Variants in PRDM1 observed in about 807,000 individuals in gnomAD.
PRDM1 encodes the protein PR/SET domain 1, also known as PR domain zinc finger protein 1.
PRDM1 carries 13 observed loss-of-function variants against 62.8 expected under a neutral mutation model. The observed-to-expected ratio is 0.21, with a 90% CI of 0.13 to 0.33. PRDM1 has a LOEUF of 0.33. PRDM1 is among the 10% of genes least tolerant of loss of function. PRDM1 has a pLI of 1.00. For synonymous variants in PRDM1, 396 were observed against 417.6 expected, an observed-to-expected ratio of 0.95 and a Z score of 0.63; for missense variants, 895 against 1,058.8, an observed-to-expected ratio of 0.85 and a Z score of 2.15.
chr6:106,074,560 G>A (rs1191996497), intron 1 of PRDM1, among the ~76,000 whole-genome samples: 1 of 152,072 alleles, frequency 6.6e-6, no homozygotes, highest in African/African-American at 2.4e-5. Flanking sequence ...ATTAAGAGTT[G>A]TTTCCATTAA....
At chr6:106,044,876 G>A (rs1395548978), upstream of PRDM1, among the ~76,000 whole-genome samples, 2 of 152,162 alleles carry the variant, frequency 1.3e-5, no homozygotes, top group Non-Finnish European at 2.9e-5. Flanking sequence ...TTAATACGTA[G>A]ACACTTTTGG....
intron 1 of PRDM1, among the ~76,000 whole-genome samples, chr6:106,011,681 C>A (rs987881567): frequency 6.6e-6 from 1 of 152,046 alleles, no homozygotes; most frequent in Admixed American, 6.6e-5. Flanking sequence ...GTCCGAAGTC[C>A]CAGGTTAGTG....
chr6:106,078,598 G>C (rs1355701029), intron 1 of PRDM1, among the ~76,000 whole-genome samples: 2 of 152,222 alleles, frequency 1.3e-5, no homozygotes, highest in Non-Finnish European at 2.9e-5. Flanking sequence ...ATGGCTGGGC[G>C]CAGTGGCTCA....
chr6:106,053,010 TA>T (rs199994175), intron 1 of PRDM1, among the ~76,000 whole-genome samples: 4 of 152,114 alleles, frequency 2.6e-5, no homozygotes, highest in East Asian at 1.9e-4. Flanking sequence ...AATTAAAACC[TA>T]AAAAAACCCT....
chr6:106,104,838 C>A lies in PRDM1; in HGVS notation c.678C>A (p.Ser226Arg). The A allele has an allele frequency of 6.2e-7, 1 of 1,612,616 alleles. No individual in the cohort carries two copies. Among genetic ancestry groups the A allele is most frequent in the Non-Finnish European group, 8.5e-7 (1 of 1,179,546 alleles). Residue 226 changes from serine (S) to arginine (R), a missense_variant, in exon 5 of 7, where the codon AGC becomes AGA. Ser to Arg is a moderately radical substitution (Grantham distance 110, BLOSUM62 -1). Transcript: ENST00000369096. Reference protein sequence around the residue: ...LTMMNLTQTQSSLKQPSTEKN... With the variant: ...LTMMNLTQTQRSLKQPSTEKN... ...TCTTTATTTCAGCACAAACACAGAG[C>A]AGTCTAAAGCAACCGAGCACTGAGA...
At chr6:106,035,447 C>A (rs545465496) in intron 1 of PRDM1, among the ~76,000 whole-genome samples, 2 of 151,888 alleles carry the variant, frequency 1.3e-5, no homozygotes, top group Non-Finnish European at 2.9e-5. Flanking sequence ...CATAGTGAGA[C>A]CCCCCTCCCC....
intron 1 of PRDM1, among the ~76,000 whole-genome samples, chr6:106,029,726 C>T (rs185038597): frequency 6.6e-6 from 1 of 152,278 alleles, no homozygotes; most frequent in Non-Finnish European, 1.5e-5. Context: ...CCTACCTCAG[C>T]CTCCCTAGTA....
chr6:105,997,224 T>G (rs1772359141), intron 1 of PRDM1, among the ~76,000 whole-genome samples: 2 of 152,218 alleles, frequency 1.3e-5, no homozygotes, highest in Non-Finnish European at 2.9e-5. Context: ...CATAGCAGTT[T>G]CATAAGGCTT....
chr6:106,017,758 G>A (rs1772640466), intron 1 of PRDM1, among the ~76,000 whole-genome samples: 1 of 152,142 alleles, frequency 6.6e-6, no homozygotes, highest in Admixed American at 6.6e-5. Flanking sequence ...TGATTTAGTG[G>A]CATCTCCTCA....
rs1399516784 is a variant in PRDM1, at chr6:106,106,524, C to G, written c.1902+25C>G. ...GGTGCGCAGTATTTTCTGGGTAGAC[C>G]TTCTGACCTTTGTAGAAAATGTCTG... On this transcript the variant is annotated intron_variant, in intron 6 of 6. Coordinates refer to ENST00000369096, the MANE Select transcript of PRDM1 (RefSeq NM_001198.4). This position sits in a 1 kb window ranked among gnomAD's most constrained non-coding sequence, Gnocchi z 4.4. The G allele has an allele frequency of 6.2e-7, 1 of 1,613,530 alleles. No homozygotes were observed. Among genetic ancestry groups the G allele is most frequent in the African/African-American group, 1.3e-5 (1 of 75,020 alleles).
rs1252596732 is a variant in PRDM1, at chr6:106,105,496, G to A, written c.1336G>A (p.Val446Ile). 3.1e-6 allele frequency: 5 copies of A among 1,613,964 alleles called. No homozygotes were observed. Among genetic ancestry groups the A allele is most frequent in the Non-Finnish European group, 4.2e-6 (5 of 1,180,026 alleles). The stretch of plus-strand genomic sequence containing the variant: ...TGGCCTCTTCCCGAGGCTGTGCCCT[G>A]TCTACAGCAATCTCCTCGGTGGGGG... ...NFGLFPRLCPVYSNLLGGGSL... is the reference protein window; with the variant it reads ...NFGLFPRLCPIYSNLLGGGSL... Residue 446 changes from valine (V) to isoleucine (I), a missense_variant, in exon 5 of 7, where the codon GTC (valine) becomes ATC (isoleucine). This residue lies in a region of PRDM1 where 444 missense variants were observed against 422.7 expected (regional missense o/e 1.05). Coordinates refer to ENST00000369096, the MANE Select transcript of PRDM1 (RefSeq NM_001198.4).
At chr6:106,032,604 A>C (rs1347049953) in intron 1 of PRDM1, among the ~76,000 whole-genome samples, 2 of 151,900 alleles carry the variant, frequency 1.3e-5, no homozygotes, top group Non-Finnish European at 2.9e-5. Context: ...CACCCAGCTA[A>C]TTTTTGTATT....
chr6:106,064,442 A>G (rs988442485), intron 1 of PRDM1, among the ~76,000 whole-genome samples: 1 of 152,166 alleles, frequency 6.6e-6, no homozygotes, highest in Non-Finnish European at 1.5e-5. Flanking sequence ...TGAGTAAAAG[A>G]GCCTTGAAGA....
intron 3 of PRDM1, chr6:106,098,864 T>C (rs1172112575): frequency 2.0e-6 from 3 of 1,517,520 alleles, no homozygotes; most frequent in Non-Finnish European, 2.7e-6. Context: ...TAAGACTCAG[T>C]TTGACGTCGT....
upstream of PRDM1, among the ~76,000 whole-genome samples, chr6:106,043,610 C>T (rs1024290567): frequency 1.3e-5 from 2 of 152,014 alleles, no homozygotes; most frequent in South Asian, 2.1e-4. Context: ...CTTGGCTCCC[C>T]GCAACCTCCG....
At chr6:106,034,394 T>C (rs189950042) in intron 1 of PRDM1, among the ~76,000 whole-genome samples, 3 of 152,162 alleles carry the variant, frequency 2.0e-5, no homozygotes, top group Admixed American at 1.3e-4. Flanking sequence ...TAGCTAAAAA[T>C]TTTCCCCCTT....
At chr6:106,079,961 A>G (rs1257167873) in intron 1 of PRDM1, among the ~76,000 whole-genome samples, 1 of 152,200 alleles carries the variant, frequency 6.6e-6, no homozygotes, top group Non-Finnish European at 1.5e-5. Context: ...CAGCATTAAA[A>G]ACACACCCAG....
intron 1 of PRDM1, among the ~76,000 whole-genome samples, chr6:106,033,184 GGCT>G (rs1772874176): frequency 6.6e-6 from 1 of 151,812 alleles, no homozygotes; most frequent in Admixed American, 6.6e-5. Context: ...CTGTCATCAA[GGCT>G]GAAGTGCAGT....
In PRDM1 at chr6:106,108,390, G is replaced by GA. The variant is rs759641148; in HGVS notation, c.*908dup. On this transcript the variant is annotated 3_prime_UTR_variant, in exon 7 of 7. Transcript: ENST00000369096. ...GACTTTTGCATCCATTGTATTATCA[G>GA]AAAATGTGAAGAAGAAAAAAATGCC... The GA allele has an allele frequency of 5.6e-5, 13 of 233,156 alleles. No individual in the cohort carries two copies. The highest frequency in any genetic ancestry group is 8.5e-5 in the Non-Finnish European group (10 of 117,918). 14.4% of individuals were successfully genotyped at this position (233,156 alleles called of 1,614,324 possible). A position where few individuals can be genotyped will look rare whatever the true frequency, so the allele number is the denominator to read the frequency against.
Sources: allele counts gnomAD v4.1 joint callset (sites outside exome capture counted in the v4.1 genomes callset), GRCh38; gene constraint gnomAD v4.1.1; regional missense constraint gnomAD v4.1.1; non-coding constraint Gnocchi (gnomAD v3.1); transcripts MANE v1.5; gene names NCBI Gene and HGNC (gene_info 2026-07-23, HGNC 2026-07-21).